Variants in KIF4A observed in about 807,000 individuals in gnomAD.
KIF4A encodes kinesin family member 4A.
In KIF4A, 7 loss-of-function variants were observed where a neutral mutation model predicts 105.9. The observed-to-expected ratio is 0.07, with a 90% CI of 0.04 to 0.12. KIF4A has a LOEUF of 0.12. KIF4A is among the 10% of genes least tolerant of loss of function. KIF4A has a pLI of 1.00. For missense variants in KIF4A, 558 were observed against 929.2 expected, an observed-to-expected ratio of 0.60 and a Z score of 5.19; for synonymous variants, 281 against 331.3, an observed-to-expected ratio of 0.85 and a Z score of 1.65.
chrX:70,402,516 C>T, intron 22 of KIF4A, 50 bp from the exon 23 acceptor site: 1 of 1,186,095 alleles, frequency 8.4e-7, no homozygotes, highest in South Asian at 1.9e-5. Context: ...CTTCCCCCTT[C>T]TTGATGTTCA....
intron 7 of KIF4A, among the ~76,000 whole-genome samples, chrX:70,308,793 A>G (rs2085837312): frequency 1.8e-5 from 2 of 111,663 alleles, no homozygotes; most frequent in Non-Finnish European, 3.8e-5. Context: ...GTATTTTAGT[A>G]GAGATGGGGT....
At chrX:70,379,183 A>G (rs2086187327) in intron 18 of KIF4A, among the ~76,000 whole-genome samples, 2 of 110,879 alleles carry the variant, frequency 1.8e-5, no homozygotes, top group African/African-American at 6.5e-5. Flanking sequence ...GAAAAGAAAA[A>G]AGAAAAAAAA....
At chrX:70,377,792 C>T (rs1326092865) in intron 18 of KIF4A, among the ~76,000 whole-genome samples, 2 of 111,774 alleles carry the variant, frequency 1.8e-5, no homozygotes, top group African/African-American at 3.3e-5. Flanking sequence ...AAAAATTAGC[C>T]GGGCATGGTG....
chrX:70,302,515 A>G, intron 7 of KIF4A, 117 bp downstream of exon 7: 1 of 702,618 alleles, frequency 1.4e-6, no homozygotes, highest in Non-Finnish European at 2.1e-6. Context: ...TACGATTCAG[A>G]TTTGAGGCTG....
chrX:70,394,205 CT>C (rs376526687), intron 20 of KIF4A, among the ~76,000 whole-genome samples: 53 of 97,627 alleles, frequency 5.4e-4, no homozygotes, highest in Non-Finnish European at 5.4e-4. Flanking sequence ...TTGGGTCTAG[CT>C]TTTTTTTTTT....
chrX:70,399,392 T>C (rs1193557109), intron 22 of KIF4A, among the ~76,000 whole-genome samples: 1 of 112,011 alleles, frequency 8.9e-6, no homozygotes, highest in Non-Finnish European at 1.9e-5. Context: ...ATGTGAGCTT[T>C]CAAGCAAAAT....
At chrX:70,374,301 GA>G (rs1428280068) in intron 16 of KIF4A, 47 bp downstream of exon 16, 1 of 816,821 alleles carries the variant, frequency 1.2e-6, no homozygotes, top group African/African-American at 2.0e-5. Flanking sequence ...TACTATGTGT[GA>G]GGAGCTTTGC....
intron 15 of KIF4A, among the ~76,000 whole-genome samples, 168 bp downstream of exon 15, chrX:70,353,975 G>A (rs935901050): frequency 8.9e-6 from 1 of 112,502 alleles, no homozygotes; most frequent in Non-Finnish European, 1.9e-5. Context: ...AGGACAGGGA[G>A]CATGTAATTT....
intron 22 of KIF4A, among the ~76,000 whole-genome samples, chrX:70,399,215 C>A (rs1399104365): frequency 8.9e-6 from 1 of 111,741 alleles, no homozygotes; most frequent in Admixed American, 9.5e-5. Context: ...GGTGTGAGCT[C>A]AATAGGCCTC....
intron 7 of KIF4A, among the ~76,000 whole-genome samples, chrX:70,316,197 A>T (rs896961449): frequency 8.9e-6 from 1 of 112,186 alleles, no homozygotes; most frequent in Non-Finnish European, 1.9e-5. Context: ...GAGATTATTC[A>T]TTTTCCTAAA....
chrX:70,371,471 G>A (rs939475867), intron 15 of KIF4A, among the ~76,000 whole-genome samples: 4 of 111,932 alleles, frequency 3.6e-5, no homozygotes, highest in Admixed American at 9.4e-5. Context: ...ATCATGGCCC[G>A]TTCTCAGTGA....
chrX:70,399,695 G>A (rs368548242), intron 22 of KIF4A, among the ~76,000 whole-genome samples: 10 of 101,213 alleles, frequency 9.9e-5, no homozygotes, highest in African/African-American at 3.3e-4. Flanking sequence ...GTAAACTATC[G>A]CAAGGACAAA....
intron 3 of KIF4A, among the ~76,000 whole-genome samples, chrX:70,291,259 C>T (rs1444812414): frequency 1.8e-5 from 2 of 111,214 alleles, no homozygotes; most frequent in Non-Finnish European, 3.8e-5. Flanking sequence ...ATTTTTTGTA[C>T]CTATCTTTTA....
In KIF4A at chrX:70,306,137, C is replaced by T. The variant is rs770742217; in HGVS notation, c.778+3739C>T. 7.1e-5 allele frequency among the ~76,000 whole-genome samples: 8 copies of T among 112,087 alleles called. No homozygotes were observed. The South Asian group carries it at 1.5e-3, about 21-fold the overall frequency. On this transcript the variant is annotated intron_variant, in intron 7 of 30. Coordinates refer to ENST00000374403, the MANE Select transcript of KIF4A (RefSeq NM_012310.5). ...ATCTGTATATGAGTTATCCCAGCATCGTTTGTTGAAAAGACTATCCTTTCC... is the reference window on the plus strand; with the variant it reads ...ATCTGTATATGAGTTATCCCAGCATTGTTTGTTGAAAAGACTATCCTTTCC...
intron 7 of KIF4A, among the ~76,000 whole-genome samples, chrX:70,317,456 C>T (rs141185050): frequency 1.6e-4 from 18 of 110,777 alleles, no homozygotes; most frequent in African/African-American, 5.2e-4. Context: ...ACTTCCAGCA[C>T]CCATGCATAC....
At chrX:70,404,557 A>T (rs1052730853) in intron 24 of KIF4A, among the ~76,000 whole-genome samples, 158 bp from the exon 25 acceptor site, 18 of 112,072 alleles carry the variant, frequency 1.6e-4, no homozygotes, top group Non-Finnish European at 2.8e-4. Flanking sequence ...AGAAACATCC[A>T]TGCTGTACTT....
rs2086165528 is a variant in KIF4A, at chrX:70,374,138, A to G, written c.1675-13A>G. 1 of 1,066,364 alleles carries G rather than the reference A, an allele frequency of 9.4e-7. No homozygotes were observed. The highest frequency in any genetic ancestry group is 2.0e-5 in the South Asian group (1 of 50,805). The allele number at this position is 1,066,364 out of a possible 1,213,427, so 87.9% of individuals were successfully genotyped here. A position where few individuals can be genotyped will look rare whatever the true frequency, so the allele number is the denominator to read the frequency against. On this transcript the variant is annotated splice_polypyrimidine_tract_variant and intron_variant, in intron 15 of 30. Coordinates refer to ENST00000374403, the MANE Select transcript of KIF4A (RefSeq NM_012310.5). ...ATAATGTCTTCTTTCTCTTTGACCT[A>G]TAACCTTTCTAGGATAACATAAAAG... is the stretch of plus-strand genomic sequence containing the variant.
At chrX:70,297,323 A>G (rs2085787232) in intron 4 of KIF4A, 135 bp downstream of exon 4, 1 of 549,082 alleles carries the variant, frequency 1.8e-6, no homozygotes, top group African/African-American at 2.4e-5. Context: ...AAACTTACTG[A>G]CTCAGTTGGA....
intron 15 of KIF4A, among the ~76,000 whole-genome samples, chrX:70,373,144 C>T (rs1730469905): frequency 9.1e-6 from 1 of 109,540 alleles, no homozygotes; most frequent in African/African-American, 3.3e-5. Context: ...TGGTGGCAGA[C>T]TCCTGTAGTC....
Sources: gnomAD v4.1 joint callset for allele counts (sites outside exome capture counted in the v4.1 genomes callset) on GRCh38, gnomAD v4.1.1 for gene constraint, MANE v1.5 for transcripts, NCBI Gene and HGNC (gene_info 2026-07-23, HGNC 2026-07-21) for gene names.